SORCS2: variants seen among roughly 807,000 people sequenced by gnomAD.
SORCS2 encodes the protein VPS10 domain-containing receptor SorCS2.
SORCS2 carries 100 observed loss-of-function variants against 141.6 expected under a neutral mutation model. That is an observed-to-expected ratio of 0.71 (90% CI 0.60 to 0.83). The LOEUF is 0.83. SORCS2 is among the 40% of genes least tolerant of loss of function. The pLI is 0.00. For missense variants in SORCS2, 1,646 were observed against 1,560.2 expected (o/e 1.05, Z -0.93); for synonymous variants, 789 against 676.9 (o/e 1.17, Z -2.57).
At position 7,534,572 on chromosome 4, in the gene SORCS2, T is replaced by C. The variant is rs372280177; in HGVS notation, c.648+2943T>C. Among the ~76,000 whole-genome samples, 37 of 152,248 alleles carry C rather than the reference T, an allele frequency of 2.4e-4. No homozygotes were observed. The East Asian group carries it at 6.6e-3, about 27-fold the overall frequency. On this transcript the variant is annotated intron_variant, in intron 3 of 26. Transcript: ENST00000507866. ...GTTGTGATGGGAAGGTTCTCCTGGG[T>C]TGTCTGAGTGGGATCAGCTCAGTGT...
intron 3 of SORCS2, among the ~76,000 whole-genome samples, chr4:7,570,210 C>T (rs1715293425): frequency 6.6e-6 from 1 of 152,190 alleles, no homozygotes; most frequent in Admixed American, 6.5e-5. Context: ...AGAACGCAGC[C>T]CGTCTGCTGT....
intron 1 of SORCS2, among the ~76,000 whole-genome samples, chr4:7,199,443 G>C (rs898800495): frequency 6.6e-6 from 1 of 152,170 alleles, no homozygotes; most frequent in Non-Finnish European, 1.5e-5. Context: ...GAGCAGCAGA[G>C]ATCTCTGAGG....
intron 3 of SORCS2, among the ~76,000 whole-genome samples, chr4:7,593,840 C>T (rs760832395): frequency 3.2e-4 from 48 of 152,154 alleles, no homozygotes; most frequent in African/African-American, 8.9e-4. Context: ...TCATCAACTC[C>T]GGCGATACCT....
At chr4:7,300,073 C>T (rs930285036) in intron 1 of SORCS2, among the ~76,000 whole-genome samples, 2 of 152,148 alleles carry the variant, frequency 1.3e-5, no homozygotes, top group South Asian at 2.1e-4. Context: ...GAGAGGATGG[C>T]GCGCCCTCCG....
chr4:7,296,933 G>A (rs1410449471), intron 1 of SORCS2, among the ~76,000 whole-genome samples: 4 of 152,174 alleles, frequency 2.6e-5, no homozygotes, highest in East Asian at 1.9e-4. Flanking sequence ...CCTGGTGTCC[G>A]AGGTGCCCAG....
At chr4:7,604,391 C>T (rs938538257) in intron 3 of SORCS2, among the ~76,000 whole-genome samples, 5 of 152,230 alleles carry the variant, frequency 3.3e-5, no homozygotes, top group South Asian at 2.1e-4. Context: ...GATCTCGGCT[C>T]ACTGCAAGCT....
intron 1 of SORCS2, among the ~76,000 whole-genome samples, chr4:7,360,596 T>TTTTTTTTTTTTTTTA (rs1721525120): frequency 7.4e-6 from 1 of 134,880 alleles, no homozygotes; most frequent in African/African-American, 2.8e-5. Flanking sequence ...TTTTTTTTTT[T>TTTTTTTTTTTTTTTA]GAGACAGGGT....
chr4:7,693,066 G>C (rs1229014180), intron 11 of SORCS2, among the ~76,000 whole-genome samples: 2 of 152,146 alleles, frequency 1.3e-5, no homozygotes, highest in African/African-American at 4.8e-5. Context: ...CTGGCCGAGG[G>C]TGCCGGTGGC....
At chr4:7,431,010 G>C (rs1408923286) in intron 2 of SORCS2, 1 of 152,296 alleles carries the variant, frequency 6.6e-6, no homozygotes, top group Non-Finnish European at 1.5e-5. Context: ...TTCCGGGCTT[G>C]GTTCCGGGCA....
rs951075211 is a variant in SORCS2, at chr4:7,492,508, G to A, written c.549-39022G>A. 4.6e-5 allele frequency among the ~76,000 whole-genome samples: 7 copies of A among 152,202 alleles called. No homozygotes were observed. In the East Asian group the frequency reaches 7.7e-4, roughly 17 times the overall value. Reference sequence around the variant, plus strand: ...ATCCCCAGGAGGATTCCGGGTGAACGCAGGAGTACAGGGACCTCTTCCACA... The same window carrying A: ...ATCCCCAGGAGGATTCCGGGTGAACACAGGAGTACAGGGACCTCTTCCACA... On this transcript the variant is annotated intron_variant, in intron 2 of 26. Coordinates refer to ENST00000507866, the MANE Select transcript of SORCS2 (RefSeq NM_020777.3).
At chr4:7,571,392 T>C (rs1715381026) in intron 3 of SORCS2, among the ~76,000 whole-genome samples, 1 of 152,118 alleles carries the variant, frequency 6.6e-6, no homozygotes, top group Non-Finnish European at 1.5e-5. Context: ...GGAAACCACA[T>C]GGCAGGACCC....
At chr4:7,681,103 T>C (rs1006352584) in intron 9 of SORCS2, among the ~76,000 whole-genome samples, 1 of 152,156 alleles carries the variant, frequency 6.6e-6, no homozygotes, top group Admixed American at 6.5e-5. Context: ...GAAACCTTGA[T>C]GGGGTGAATG....
At chr4:7,294,018 G>T (rs1486422275) in intron 1 of SORCS2, among the ~76,000 whole-genome samples, 1 of 152,120 alleles carries the variant, frequency 6.6e-6, no homozygotes, top group Non-Finnish European at 1.5e-5. Flanking sequence ...CCACGCTCCT[G>T]AGACTCCCCC....
chr4:7,387,574 T>G (rs111203692), intron 1 of SORCS2, among the ~76,000 whole-genome samples: 22,006 of 131,738 alleles, frequency 0.17, 1,933 homozygotes, highest in Admixed American at 0.21. Context: ...CACGCACACA[T>G]GCACACACAT....
intron 1 of SORCS2, among the ~76,000 whole-genome samples, chr4:7,217,000 G>T (rs1018771884): frequency 6.6e-6 from 1 of 152,158 alleles, no homozygotes; most frequent in South Asian, 2.1e-4. Context: ...GGCGGTTCCC[G>T]TGGCTCTTCC....
At chr4:7,618,573 G>T (rs1470161440) in intron 3 of SORCS2, among the ~76,000 whole-genome samples, 1 of 152,046 alleles carries the variant, frequency 6.6e-6, no homozygotes, top group Non-Finnish European at 1.5e-5. Flanking sequence ...TCCAGCTTCG[G>T]GACTCCTGTG....
intron 1 of SORCS2, among the ~76,000 whole-genome samples, chr4:7,304,453 G>A (rs763320534): frequency 1.5e-4 from 23 of 152,188 alleles, no homozygotes; most frequent in African/African-American, 4.6e-4. Flanking sequence ...GAGAAGAGGC[G>A]GATGCGGGTG....
At chr4:7,260,567 C>G (rs539265626) in intron 1 of SORCS2, among the ~76,000 whole-genome samples, 1 of 152,334 alleles carries the variant, frequency 6.6e-6, no homozygotes, top group African/African-American at 2.4e-5. Flanking sequence ...GCTGTGGTTA[C>G]TACCCCAAAT....
intron 1 of SORCS2, among the ~76,000 whole-genome samples, chr4:7,296,665 C>T (rs1401099335): frequency 6.6e-6 from 1 of 152,232 alleles, no homozygotes; most frequent in Admixed American, 6.5e-5. Flanking sequence ...ATTTGGGAAT[C>T]GGAGTAGCCC....
Sources: gnomAD v4.1 joint callset for allele counts (sites outside exome capture counted in the v4.1 genomes callset) on GRCh38, gnomAD v4.1.1 for gene constraint, MANE v1.5 for transcripts, NCBI Gene and HGNC (gene_info 2026-07-23, HGNC 2026-07-21) for gene names.